The following CAMK2D variants were observed in gnomAD, a reference collection of about 807,000 sequenced individuals.
The protein encoded by CAMK2D is calcium/calmodulin dependent protein kinase II delta.
A neutral mutation model predicts 84.0 loss-of-function variants in CAMK2D; 37 were observed. That is an observed-to-expected ratio of 0.44 (90% CI 0.34 to 0.58). The LOEUF is 0.58. CAMK2D is among the 20% of genes least tolerant of loss of function. The probability of loss-of-function intolerance (pLI) is 0.02; values close to 1 mark genes in which losing one functional copy is unlikely to be tolerated. For missense variants in CAMK2D, 448 were observed against 652.5 expected (o/e 0.69, Z 3.41); for synonymous variants, 202 against 212.5 (o/e 0.95, Z 0.43).
chr4:113,642,853 T>G lies in CAMK2D; in HGVS notation c.220+18860A>C, dbSNP rs190272167. On this transcript the variant is annotated intron_variant, in intron 3 of 20. Transcript: ENST00000511664. ...CCATTAGGCCCCCTCTCATACAGTT[T>G]CTACCCTACACCTTGCTGCACTGGA... Among the ~76,000 whole-genome samples, 228 of 152,314 alleles carry G rather than the reference T, an allele frequency of 1.5e-3. 1 individual carries two copies. Among genetic ancestry groups the G allele is most frequent in the African/African-American group, 5.2e-3 (216 of 41,588 alleles).
rs3064581 is a variant in CAMK2D at position 113,623,738 on chromosome 4, C to CTGTGTG, written c.221-14538_221-14533dup. On this transcript the variant is annotated intron_variant, in intron 3 of 20. Coordinates refer to ENST00000511664, the MANE Select transcript of CAMK2D (RefSeq NM_001321571.2). ...TTAACTAAACATTGTTATGCAGTGA[C>CTGTGTG]TGTGTGTGTGTGTGTGTGTGTGTGT... Among the ~76,000 whole-genome samples, 551 of 149,054 alleles carry CTGTGTG rather than the reference C, an allele frequency of 3.7e-3. 6 individuals are homozygous for CTGTGTG. The highest frequency in any genetic ancestry group is 0.011 in the African/African-American group (465 of 40,694).
chr4:113,632,139 T>G (rs1383265492), intron 3 of CAMK2D, among the ~76,000 whole-genome samples: 1 of 152,210 alleles, frequency 6.6e-6, no homozygotes, highest in African/African-American at 2.4e-5. Flanking sequence ...GTTCCTGATC[T>G]AAGTGGAAAC....
At chr4:113,496,446 CTTTTT>C (rs543371495) in intron 16 of CAMK2D, among the ~76,000 whole-genome samples, 1 of 120,706 alleles carries the variant, frequency 8.3e-6, no homozygotes, top group African/African-American at 3.1e-5. Context: ...CTCCCATTTG[CTTTTT>C]TTTTTTTTTT....
chr4:113,565,821 G>A (rs187312053), intron 4 of CAMK2D, among the ~76,000 whole-genome samples: 1 of 152,078 alleles, frequency 6.6e-6, no homozygotes, highest in African/African-American at 2.4e-5. Context: ...CAGAAAACTA[G>A]GATAAATTCA....
chr4:113,502,684 T>A (rs2098070915), intron 15 of CAMK2D, among the ~76,000 whole-genome samples: 1 of 152,132 alleles, frequency 6.6e-6, no homozygotes, highest in Non-Finnish European at 1.5e-5. Flanking sequence ...CATCTTGACA[T>A]AAAGACTTCA....
At position 113,649,483 on chromosome 4, in the gene CAMK2D, CCTGT is replaced by C. The variant is rs542370033; in HGVS notation, c.220+12226_220+12229del. 1.6e-4 allele frequency among the ~76,000 whole-genome samples: 24 copies of C among 152,168 alleles called. No homozygotes were observed. The South Asian group carries it at 4.8e-3, about 30-fold the overall frequency. ...TTAACTCTATTTTTTCTTTTGTGGGCCTGTCTTTCTATAATGCTCTTCAGTCCAA... is the reference window on the plus strand; with the variant it reads ...TTAACTCTATTTTTTCTTTTGTGGGCCTTTCTATAATGCTCTTCAGTCCAA... On this transcript the variant is annotated intron_variant, in intron 3 of 20. Transcript: ENST00000511664.
chr4:113,658,076 T>C (rs1422174750), intron 3 of CAMK2D, among the ~76,000 whole-genome samples: 1 of 152,184 alleles, frequency 6.6e-6, no homozygotes, highest in African/African-American at 2.4e-5. Flanking sequence ...CGACAGGAAC[T>C]GCAGTACTTT....
intron 4 of CAMK2D, among the ~76,000 whole-genome samples, chr4:113,598,623 T>C (rs1720325958): frequency 6.6e-6 from 1 of 152,172 alleles, no homozygotes; most frequent in African/African-American, 2.4e-5. Context: ...AGAAAATATA[T>C]CCAAAACACA....
At chr4:113,608,284 T>C (rs1426492523) in intron 4 of CAMK2D, among the ~76,000 whole-genome samples, 1 of 152,198 alleles carries the variant, frequency 6.6e-6, no homozygotes, top group Non-Finnish European at 1.5e-5. Context: ...ACCTTCAAAC[T>C]CATATCATGT....
At chr4:113,467,026 T>C (rs1235521412) in intron 16 of CAMK2D, among the ~76,000 whole-genome samples, 2 of 152,244 alleles carry the variant, frequency 1.3e-5, no homozygotes, top group African/African-American at 4.8e-5. Context: ...TGTTTGTGAA[T>C]TTAATCAATT....
At chr4:113,563,584 T>A (rs1278357395) in intron 4 of CAMK2D, among the ~76,000 whole-genome samples, 1 of 152,246 alleles carries the variant, frequency 6.6e-6, no homozygotes, top group Admixed American at 6.5e-5. Context: ...TTTCCAACTC[T>A]AAGATAGTGG....
chr4:113,719,715 C>G (rs529548816), intron 2 of CAMK2D, among the ~76,000 whole-genome samples: 6 of 152,292 alleles, frequency 3.9e-5, no homozygotes, highest in African/African-American at 1.4e-4. Flanking sequence ...GATCACTGTT[C>G]TCACTTTTAA....
At chr4:113,589,049 A>G (rs2098846857) in intron 4 of CAMK2D, among the ~76,000 whole-genome samples, 1 of 152,122 alleles carries the variant, frequency 6.6e-6, no homozygotes, top group Non-Finnish European at 1.5e-5. Flanking sequence ...GGGCCAAGGA[A>G]AGAGGAAGTG....
At chr4:113,673,086 C>T (rs2099299256) in intron 2 of CAMK2D, among the ~76,000 whole-genome samples, 1 of 152,048 alleles carries the variant, frequency 6.6e-6, no homozygotes. Flanking sequence ...AATGAGACCC[C>T]CAGAGAGGAC....
intron 2 of CAMK2D, among the ~76,000 whole-genome samples, chr4:113,687,756 G>A (rs369387433): frequency 2.0e-5 from 3 of 152,166 alleles, no homozygotes; most frequent in Admixed American, 2.0e-4. Flanking sequence ...CATAAAAGCA[G>A]CCAAATACAA....
chr4:113,651,340 C>G (rs551832655), intron 3 of CAMK2D, among the ~76,000 whole-genome samples: 1 of 152,140 alleles, frequency 6.6e-6, no homozygotes, highest in Non-Finnish European at 1.5e-5. Flanking sequence ...GCAAACACTT[C>G]TACCTATGGA....
intron 16 of CAMK2D, among the ~76,000 whole-genome samples, chr4:113,486,401 G>A (rs747872024): frequency 5.9e-5 from 9 of 152,170 alleles, no homozygotes; most frequent in Admixed American, 2.6e-4. Context: ...TTGGGATTAC[G>A]GGTATGAGCC....
intron 5 of CAMK2D, among the ~76,000 whole-genome samples, chr4:113,551,271 T>C (rs1209274909): frequency 6.6e-6 from 1 of 152,220 alleles, no homozygotes; most frequent in Non-Finnish European, 1.5e-5. Context: ...GCCTAGGAAG[T>C]TGCAAATTAG....
At chr4:113,585,839 G>C (rs547027238) in intron 4 of CAMK2D, among the ~76,000 whole-genome samples, 14 of 152,230 alleles carry the variant, frequency 9.2e-5, no homozygotes, top group Non-Finnish European at 1.8e-4. Flanking sequence ...GATAACTTAA[G>C]TATTGCATCC....
Sources: gnomAD v4.1 joint callset for allele counts (sites outside exome capture counted in the v4.1 genomes callset) on GRCh38, gnomAD v4.1.1 for gene constraint, MANE v1.5 for transcripts, NCBI Gene and HGNC (gene_info 2026-07-23, HGNC 2026-07-21) for gene names.